EVA1C: variants seen among roughly 807,000 people sequenced by gnomAD.
The protein encoded by EVA1C is eva-1 homolog C, also known as protein eva-1 homolog C.
A neutral mutation model predicts 45.4 loss-of-function variants in EVA1C; 25 were observed. The observed-to-expected ratio is 0.55, with a 90% CI of 0.40 to 0.77. The LOEUF (loss-of-function observed/expected upper bound fraction) is 0.77, where lower values mean the gene tolerates loss of function less well. EVA1C is among the 30% of genes least tolerant of loss of function. EVA1C has a pLI of 0.00. For synonymous variants in EVA1C, 190 were observed against 221.2 expected, an observed-to-expected ratio of 0.86 and a Z score of 1.25; for missense variants, 479 against 554.8, an observed-to-expected ratio of 0.86 and a Z score of 1.37.
At position 32,450,582 on chromosome 21, in the gene EVA1C, C is replaced by A. The variant is rs969405197; in HGVS notation, c.161-2730C>A. On this transcript the variant is annotated intron_variant, in intron 1 of 7. Coordinates refer to ENST00000300255, the MANE Select transcript of EVA1C (RefSeq NM_058187.5). ...CTGAAGAGATCTAAGTATAGGGGTG[C>A]CAGCCTGGGGCACTTCAGAAGGGGC... 1.9e-4 allele frequency among the ~76,000 whole-genome samples: 29 copies of A among 152,030 alleles called. 1 individual carries two copies. The highest frequency in any genetic ancestry group is 1.6e-3 in the Admixed American group (24 of 15,270).
chr21:32,498,438 TC>T lies in EVA1C; in HGVS notation c.779-2976del, dbSNP rs1463682900. Among the ~76,000 whole-genome samples, 321 of 111,824 alleles carry T rather than the reference TC, an allele frequency of 2.9e-3. 1 individual carries two copies. Among genetic ancestry groups the T allele is most frequent in the African/African-American group, 9.4e-3 (259 of 27,682 alleles). 73.4% of individuals were successfully genotyped at this position (111,824 alleles called of 152,430 possible). A position where few individuals can be genotyped will look rare whatever the true frequency, so the allele number is the denominator to read the frequency against. On this transcript the variant is annotated intron_variant, in intron 5 of 7. Transcript: ENST00000300255. ...TGGGTGACAAGGGTGAAACTCTGTC[TC>T]AAAAAAAAAAAAAAAAAAGAGACAT...
intron 5 of EVA1C, chr21:32,497,009 T>C: frequency 2.8e-6 from 4 of 1,428,344 alleles, no homozygotes; most frequent in Admixed American, 3.4e-5. Flanking sequence ...AATAAAGACA[T>C]GGAACCAGAG....
chr21:32,507,464 G>A (rs959059698), intron 7 of EVA1C, among the ~76,000 whole-genome samples: 1 of 151,854 alleles, frequency 6.6e-6, no homozygotes, highest in Non-Finnish European at 1.5e-5. Flanking sequence ...GTGCGTGTGT[G>A]CATGTGTGCA....
At chr21:32,472,129 A>G (rs7282248) in intron 4 of EVA1C, among the ~76,000 whole-genome samples, 58,224 of 152,024 alleles carry the variant, frequency 0.38, 11,689 homozygotes, top group East Asian at 0.51. Context: ...TAGGAATGGT[A>G]GATGAAAGTT....
At chr21:32,507,630 G>C (rs1048678278) in intron 7 of EVA1C, among the ~76,000 whole-genome samples, 16 of 151,622 alleles carry the variant, frequency 1.1e-4, no homozygotes, top group African/African-American at 2.4e-4. Context: ...ATGCGTATCT[G>C]TGTGTGCATG....
intron 7 of EVA1C, among the ~76,000 whole-genome samples, chr21:32,509,588 G>C (rs2037878754): frequency 6.6e-6 from 1 of 152,174 alleles, no homozygotes; most frequent in Non-Finnish European, 1.5e-5. Context: ...CTCTGTGCCA[G>C]GGATGGCACT....
chr21:32,427,954 G>A (rs1215766070), intron 1 of EVA1C, among the ~76,000 whole-genome samples: 1 of 151,890 alleles, frequency 6.6e-6, no homozygotes, highest in African/African-American at 2.4e-5. Flanking sequence ...ACAGTGGACA[G>A]TGACTTTTCT....
At chr21:32,460,893 A>G (rs912283033) in intron 3 of EVA1C, among the ~76,000 whole-genome samples, 11 of 152,004 alleles carry the variant, frequency 7.2e-5, no homozygotes, top group Non-Finnish European at 1.5e-4. Flanking sequence ...TTATAGGCAT[A>G]CACCACCACA....
intron 1 of EVA1C, 91 bp from the exon 2 acceptor site, chr21:32,453,221 T>C: frequency 1.1e-6 from 1 of 883,162 alleles, no homozygotes; most frequent in Non-Finnish European, 1.8e-6. Flanking sequence ...GAACAGCCCT[T>C]CCCCAGGGGA....
chr21:32,494,454 C>T (rs1568942106), intron 4 of EVA1C, among the ~76,000 whole-genome samples: 1 of 152,102 alleles, frequency 6.6e-6, no homozygotes, highest in Non-Finnish European at 1.5e-5. Context: ...TTAACCAGTG[C>T]AAAATGAAAA....
chr21:32,449,973 C>T (rs73190681), intron 1 of EVA1C, among the ~76,000 whole-genome samples: 16,237 of 152,220 alleles, frequency 0.11, 1,033 homozygotes, highest in Middle Eastern at 0.24. Context: ...GCAGGTTGTA[C>T]TGCTGACGTG....
rs573031746 is a variant in EVA1C, at chr21:32,452,922, G to A, written c.161-390G>A. 1.2e-5 allele frequency: 2 copies of A among 166,492 alleles called. No individual in the cohort carries two copies. The highest frequency in any genetic ancestry group is 3.9e-4 in the South Asian group (2 of 5,108). The allele number at this position is 166,492 out of a possible 1,614,324, so 10.3% of individuals were successfully genotyped here. A position where few individuals can be genotyped will look rare whatever the true frequency, so the allele number is the denominator to read the frequency against. On this transcript the variant is annotated intron_variant, in intron 1 of 7. Coordinates refer to ENST00000300255, the MANE Select transcript of EVA1C (RefSeq NM_058187.5). The surrounding 1 kb of genome is among the most constrained non-coding windows in gnomAD (Gnocchi z 4.0). ...TTGTGTGTGTGCCCACTAGGGTCTT[G>A]GGTTTTTTATGGGCACAGGATGGGG...
chr21:32,431,408 A>G (rs2034697548), intron 1 of EVA1C, among the ~76,000 whole-genome samples: 1 of 152,222 alleles, frequency 6.6e-6, no homozygotes, highest in Admixed American at 6.5e-5. Context: ...CTGTCACCCA[A>G]CGACACTAAG....
chr21:32,482,319 C>A (rs756192930), intron 4 of EVA1C, among the ~76,000 whole-genome samples: 2 of 152,132 alleles, frequency 1.3e-5, no homozygotes, highest in South Asian at 4.1e-4. Context: ...CTCGTACAGA[C>A]CTCATAGAGA....
At chr21:32,439,965 G>A (rs189582447) in intron 1 of EVA1C, among the ~76,000 whole-genome samples, 1 of 152,240 alleles carries the variant, frequency 6.6e-6, no homozygotes, top group Admixed American at 6.5e-5. Context: ...TTGAAGTTAA[G>A]GTAGGTATCA....
At chr21:32,426,178 T>C (rs1197203549) in intron 1 of EVA1C, among the ~76,000 whole-genome samples, 1 of 152,110 alleles carries the variant, frequency 6.6e-6, no homozygotes, top group Non-Finnish European at 1.5e-5. Context: ...CCAAGGACCT[T>C]GTCTATGTGT....
Position 32,422,502 on chromosome 21 carries a change from AAAAT to A in EVA1C, c.160+9494_160+9497del, listed in dbSNP as rs2034319479. Among the ~76,000 whole-genome samples, 3 of 152,226 alleles carry A rather than the reference AAAAT, an allele frequency of 2.0e-5. No homozygotes were observed. In the South Asian group the frequency reaches 6.2e-4, roughly 32 times the overall value. On this transcript the variant is annotated intron_variant, in intron 1 of 7. Coordinates refer to ENST00000300255, the MANE Select transcript of EVA1C (RefSeq NM_058187.5). ...GTTAAGCATTCCAAGGAAGATAAAT[AAAAT>A]AAATTTATACCTGAATGTGTCATAC...
chr21:32,462,246 T>G (rs1374397884), intron 3 of EVA1C, among the ~76,000 whole-genome samples: 1 of 147,734 alleles, frequency 6.8e-6, no homozygotes, highest in Non-Finnish European at 1.5e-5. Flanking sequence ...AAAAAACAAT[T>G]AGCAGGGCAT....
At position 32,490,695 on chromosome 21, in the gene EVA1C, T is replaced by C. The variant is rs188532186; in HGVS notation, c.635-4332T>C. Among the ~76,000 whole-genome samples, 1,466 of 152,346 alleles carry C rather than the reference T, an allele frequency of 9.6e-3. 8 individuals are homozygous for C. Among genetic ancestry groups the C allele is most frequent in the Non-Finnish European group, 0.014 (923 of 68,032 alleles). On this transcript the variant is annotated intron_variant, in intron 4 of 7. Coordinates refer to ENST00000300255, the MANE Select transcript of EVA1C (RefSeq NM_058187.5). Reference sequence around the variant, plus strand: ...TGGATGTGAAGCCATGGTGTTTTTTTCCCTTGCTTCTGGTTCCATTTTAGT... The same window carrying C: ...TGGATGTGAAGCCATGGTGTTTTTTCCCCTTGCTTCTGGTTCCATTTTAGT...
Sources: gnomAD v4.1 joint callset for allele counts (sites outside exome capture counted in the v4.1 genomes callset) on GRCh38, gnomAD v4.1.1 for gene constraint, Gnocchi (gnomAD v3.1) non-coding constraint, MANE v1.5 for transcripts, NCBI Gene and HGNC (gene_info 2026-07-23, HGNC 2026-07-21) for gene names.